Variants in DMD observed in about 807,000 individuals in gnomAD.
The protein encoded by DMD is mutant dystrophin.
In DMD, 63 loss-of-function variants were observed where a neutral mutation model predicts 330.1. The observed-to-expected ratio is 0.19, with a 90% CI of 0.16 to 0.24. The LOEUF (loss-of-function observed/expected upper bound fraction) is 0.24. Ranked by LOEUF, DMD falls within the 10% of genes least tolerant of loss-of-function variation. The pLI, the probability that DMD is intolerant of heterozygous loss-of-function variation, is 1.00. For missense variants in DMD, 3,344 were observed against 2,684.1 expected, an observed-to-expected ratio of 1.25 and a Z score of -5.43; for synonymous variants, 1,223 against 959.8, an observed-to-expected ratio of 1.27 and a Z score of -5.07.
intron 2 of DMD, among the ~76,000 whole-genome samples, chrX:32,998,610 T>C (rs776265940): frequency 1.0e-5 from 1 of 99,039 alleles, no homozygotes; most frequent in African/African-American, 3.5e-5. Context: ...TTTATATATA[T>C]ATATACACAC....
At chrX:32,723,842 A>G (rs2066583358) in intron 7 of DMD, among the ~76,000 whole-genome samples, 1 of 109,689 alleles carries the variant, frequency 9.1e-6, no homozygotes, top group Non-Finnish European at 1.9e-5. Context: ...GGCCACACCT[A>G]AAATACACTA....
At chrX:32,232,286 G>T (rs1282215402) in intron 43 of DMD, among the ~76,000 whole-genome samples, 1 of 111,735 alleles carries the variant, frequency 8.9e-6, no homozygotes, top group African/African-American at 3.3e-5. Flanking sequence ...TAATTTCAAG[G>T]CAGATTTCAG....
At chrX:31,518,187 G>A (rs1302221053) in intron 55 of DMD, among the ~76,000 whole-genome samples, 7 of 111,705 alleles carry the variant, frequency 6.3e-5, no homozygotes, top group Non-Finnish European at 3.8e-5. Context: ...TGGACCCAGT[G>A]GAGAACTAAT....
At position 33,188,234 on chromosome X, in the gene DMD, A is replaced by ATC. The variant is rs745634940; in HGVS notation, c.31+23046_31+23047dup. Among the ~76,000 whole-genome samples the ATC allele has an allele frequency of 5.3e-3, 557 of 104,500 alleles. 5 individuals carry two copies. Among genetic ancestry groups the ATC allele is most frequent in the Admixed American group, 0.026 (253 of 9,606 alleles). The allele number at this position is 104,500 out of a possible 115,157, so 90.7% of individuals were successfully genotyped here. On this transcript the variant is annotated intron_variant, in intron 1 of 78. Transcript: ENST00000357033. The stretch of plus-strand genomic sequence containing the variant: ...ACCAAATACCAGTTTTCCTTTAACC[A>ATC]TCTCTCTCTCTCTCTCTCTCTCTGT...
At chrX:31,172,309 T>C (rs756313540) in intron 73 of DMD, 39 bp downstream of exon 73, 10 of 997,228 alleles carry the variant, frequency 1.0e-5, no homozygotes, top group African/African-American at 1.9e-5. Flanking sequence ...AGCAATTTCA[T>C]TGTCAGGAAC....
intron 44 of DMD, among the ~76,000 whole-genome samples, chrX:32,091,885 C>T (rs1055008450): frequency 1.5e-4 from 17 of 111,272 alleles, no homozygotes; most frequent in Admixed American, 3.8e-4. Context: ...ATTTCTGAGG[C>T]ATAACTGTCT....
chrX:32,729,713 G>A (rs1035897894), intron 7 of DMD, among the ~76,000 whole-genome samples: 5 of 109,334 alleles, frequency 4.6e-5, no homozygotes, highest in South Asian at 4.0e-4. Context: ...CTCTTAAGGA[G>A]CTTTTTATAC....
At chrX:33,034,826 T>C (rs1170540777) in intron 1 of DMD, among the ~76,000 whole-genome samples, 4 of 112,153 alleles carry the variant, frequency 3.6e-5, no homozygotes, top group Admixed American at 2.8e-4. Context: ...AGTTTTCTCA[T>C]CTGTAAAATA....
At chrX:32,769,217 C>G (rs1003452050) in intron 7 of DMD, among the ~76,000 whole-genome samples, 1 of 112,267 alleles carries the variant, frequency 8.9e-6, no homozygotes. Context: ...AATTCATTTA[C>G]GGTTCCACGT....
intron 1 of DMD, among the ~76,000 whole-genome samples, chrX:33,135,516 TA>T (rs773403943): frequency 2.7e-5 from 3 of 112,164 alleles, no homozygotes; most frequent in African/African-American, 9.7e-5. Flanking sequence ...TATGCAGACA[TA>T]AAAAAATCAC....
chrX:32,488,288 T>A (rs190845820), intron 20 of DMD, among the ~76,000 whole-genome samples: 1 of 111,835 alleles, frequency 8.9e-6, no homozygotes, highest in Admixed American at 9.5e-5. Context: ...CTGTTTATTC[T>A]TTAAAATTAT....
At chrX:31,745,714 A>G (rs1161615799) in intron 51 of DMD, among the ~76,000 whole-genome samples, 1 of 112,129 alleles carries the variant, frequency 8.9e-6, no homozygotes, top group Non-Finnish European at 1.9e-5. Flanking sequence ...TTGTAATATT[A>G]TATTTTACTA....
At chrX:31,345,073 G>A (rs949183163) in intron 61 of DMD, among the ~76,000 whole-genome samples, 5 of 111,613 alleles carry the variant, frequency 4.5e-5, no homozygotes, top group South Asian at 3.8e-4. Flanking sequence ...TAGTCTCACC[G>A]TCCTATTTCT....
intron 57 of DMD, among the ~76,000 whole-genome samples, chrX:31,488,365 A>C (rs1054751368): frequency 1.8e-5 from 2 of 112,129 alleles, no homozygotes; most frequent in African/African-American, 6.5e-5. Flanking sequence ...CCCTGTGACA[A>C]ATTAATTTGT....
intron 1 of DMD, among the ~76,000 whole-genome samples, chrX:33,090,222 A>C (rs2095066717): frequency 9.1e-6 from 1 of 110,338 alleles, no homozygotes; most frequent in Non-Finnish European, 1.9e-5. Flanking sequence ...TAATTTAGTT[A>C]ACACCATATT....
chrX:32,492,337 C>T (rs1219760046), intron 19 of DMD, among the ~76,000 whole-genome samples: 1 of 112,170 alleles, frequency 8.9e-6, no homozygotes, highest in Non-Finnish European at 1.9e-5. Context: ...GACTCTGTCT[C>T]ATATTGTCCA....
chrX:33,195,088 C>T (rs1472316723), intron 1 of DMD, among the ~76,000 whole-genome samples: 1 of 111,369 alleles, frequency 9.0e-6, no homozygotes, highest in African/African-American at 3.3e-5. Flanking sequence ...TTTATCCAGA[C>T]ACTAAGTTTC....
chrX:32,523,469 T>G (rs1462582927), intron 17 of DMD, among the ~76,000 whole-genome samples: 2 of 112,394 alleles, frequency 1.8e-5, no homozygotes, highest in Non-Finnish European at 3.8e-5. Flanking sequence ...TTTTGTTTGA[T>G]AGTAGATCAT....
intron 44 of DMD, among the ~76,000 whole-genome samples, chrX:32,196,997 A>AAAAC (rs1405317259): frequency 3.9e-5 from 4 of 103,183 alleles, no homozygotes; most frequent in Non-Finnish European, 5.9e-5. Context: ...AAAAAAAAAA[A>AAAAC]AAAAAAAACA....
Sources: allele counts gnomAD v4.1 joint callset (sites outside exome capture counted in the v4.1 genomes callset), GRCh38; gene constraint gnomAD v4.1.1; transcripts MANE v1.5; gene names NCBI Gene and HGNC (gene_info 2026-07-23, HGNC 2026-07-21).